CACNA2D1: variants seen among roughly 807,000 people sequenced by gnomAD.
CACNA2D1 encodes the protein calcium voltage-gated channel auxiliary subunit alpha2delta 1, also known as voltage-dependent calcium channel subunit alpha-2/delta-1.
In CACNA2D1, 53 loss-of-function variants were observed where a neutral mutation model predicts 171.5. That is an observed-to-expected ratio of 0.31 (90% CI 0.25 to 0.39). The LOEUF (loss-of-function observed/expected upper bound fraction) is 0.39. CACNA2D1 is among the 10% of genes least tolerant of loss of function. CACNA2D1 has a pLI of 1.00. For missense variants in CACNA2D1, 903 were observed against 1,299.8 expected, an observed-to-expected ratio of 0.69 and a Z score of 4.69; for synonymous variants, 442 against 443.1, an observed-to-expected ratio of 1.00 and a Z score of 0.03.
intron 1 of CACNA2D1, among the ~76,000 whole-genome samples, chr7:82,386,735 AAAATAAATAAATAAATAAAT>A (rs200338716): frequency 6.8e-5 from 10 of 146,222 alleles, no homozygotes; most frequent in African/African-American, 2.0e-4. Flanking sequence ...CTCTGTCTCA[AAAATAAATAAATAAATAAAT>A]AAATAAATAA....
At chr7:82,284,228 A>T (rs1028675441) in intron 3 of CACNA2D1, among the ~76,000 whole-genome samples, 4 of 151,870 alleles carry the variant, frequency 2.6e-5, no homozygotes, top group African/African-American at 9.7e-5. Context: ...AAAAAACTAT[A>T]AAGAAAAAGG....
rs761234382 is a variant in CACNA2D1 at position 82,335,215 on chromosome 7, G to A, written c.214C>T (p.Pro72Ser). ...TCTACCAGCTGGCGTGCATTATTTG[G>A]TTCCACAGTATACAAATCTTGATAT... ...EKYQDLYTVEPNNARQLVEIA... is the reference protein window; with the variant it reads ...EKYQDLYTVESNNARQLVEIA... The change falls in exon 3 of 39, where the codon CCA becomes TCA. Residue 72 changes from proline (P) to serine (S), a missense_variant. By Grantham distance (74) the Pro-to-Ser change is moderately conservative (BLOSUM62 -1). Coordinates refer to ENST00000356860, the MANE Select transcript of CACNA2D1 (RefSeq NM_000722.4). 3 of 1,611,236 alleles carry A rather than the reference G, an allele frequency of 1.9e-6. No individual in the cohort carries two copies. Among genetic ancestry groups the A allele is most frequent in the Non-Finnish European group, 2.5e-6 (3 of 1,177,794 alleles).
At chr7:82,425,231 C>T (rs893600396) in intron 1 of CACNA2D1, among the ~76,000 whole-genome samples, 9 of 152,118 alleles carry the variant, frequency 5.9e-5, no homozygotes, top group Non-Finnish European at 1.0e-4. Context: ...GAGTTTCCCT[C>T]TAGTCTACAA....
At chr7:82,260,732 T>C (rs1347575333) in intron 3 of CACNA2D1, among the ~76,000 whole-genome samples, 1 of 152,182 alleles carries the variant, frequency 6.6e-6, no homozygotes, top group Non-Finnish European at 1.5e-5. Context: ...ACAGATTTTG[T>C]CTTAAGGGCT....
intron 3 of CACNA2D1, among the ~76,000 whole-genome samples, chr7:82,248,182 G>A (rs1337995637): frequency 6.6e-6 from 1 of 152,152 alleles, no homozygotes; most frequent in Non-Finnish European, 1.5e-5. Flanking sequence ...TAATAATAAA[G>A]TACTTCATGC....
chr7:82,384,984 C>T (rs189431749), intron 1 of CACNA2D1, among the ~76,000 whole-genome samples: 1 of 152,188 alleles, frequency 6.6e-6, no homozygotes. Flanking sequence ...CACACTTTAG[C>T]CCCTACTGAA....
At chr7:82,010,339 C>T (rs1799631585) in intron 15 of CACNA2D1, among the ~76,000 whole-genome samples, 1 of 150,442 alleles carries the variant, frequency 6.6e-6, no homozygotes, top group Admixed American at 6.6e-5. Context: ...AAAAATAACG[C>T]TATATGTGTC....
At chr7:82,134,462 G>A (rs907486293) in intron 5 of CACNA2D1, among the ~76,000 whole-genome samples, 14 of 152,218 alleles carry the variant, frequency 9.2e-5, no homozygotes, top group African/African-American at 2.9e-4. Flanking sequence ...CAGTTTGCAC[G>A]AAACAACACT....
Position 81,947,621 on chromosome 7 carries a change from CATGAGT to C in CACNA2D1, c.*2765_*2770del, listed in dbSNP as rs1792141008. Reference sequence around the variant, plus strand: ...TTTAGTGACTAACTACACTAAGCCACATGAGTATAACAAAAATTAGTTAAAGCAGTG... The same window carrying C: ...TTTAGTGACTAACTACACTAAGCCACATAACAAAAATTAGTTAAAGCAGTG... On this transcript the variant is annotated 3_prime_UTR_variant, in exon 39 of 39. Transcript: ENST00000356860. 6.6e-6 allele frequency: 1 copy of C among 151,944 alleles called. No individual in the cohort carries two copies. Among genetic ancestry groups the C allele is most frequent in the Admixed American group, 6.6e-5 (1 of 15,246 alleles). The allele number at this position is 151,944 out of a possible 1,614,324, so 9.4% of individuals were successfully genotyped here. A position where few individuals can be genotyped will look rare whatever the true frequency, so the allele number is the denominator to read the frequency against.
chr7:82,101,436 A>G (rs563536662), intron 6 of CACNA2D1, among the ~76,000 whole-genome samples: 1 of 152,348 alleles, frequency 6.6e-6, no homozygotes, highest in Non-Finnish European at 1.5e-5. Flanking sequence ...GTAAAACGTT[A>G]CATGACAGAT....
Position 82,142,036 on chromosome 7 carries a change from T to C in CACNA2D1, c.355-5360A>G, listed in dbSNP as rs1304939609. On this transcript the variant is annotated intron_variant, in intron 4 of 38. Coordinates refer to ENST00000356860, the MANE Select transcript of CACNA2D1 (RefSeq NM_000722.4). ...TATTAAACAACATCATCTTGGAAGGTTTCACACTCAAATACACAGGTTTTC... is the reference window on the plus strand; with the variant it reads ...TATTAAACAACATCATCTTGGAAGGCTTCACACTCAAATACACAGGTTTTC... Among the ~76,000 whole-genome samples the C allele has an allele frequency of 2.0e-5, 3 of 152,162 alleles. No individual in the cohort carries two copies. The East Asian group carries it at 5.8e-4, about 29-fold the overall frequency.
rs114866700 is a variant in CACNA2D1, at chr7:82,408,343, T to C, written c.95+35022A>G. 6.8e-3 allele frequency among the ~76,000 whole-genome samples: 1,036 copies of C among 152,118 alleles called. 12 individuals are homozygous for C. Among genetic ancestry groups the C allele is most frequent in the African/African-American group, 0.024 (977 of 41,510 alleles). On this transcript the variant is annotated intron_variant, in intron 1 of 38. Coordinates refer to ENST00000356860, the MANE Select transcript of CACNA2D1 (RefSeq NM_000722.4). Reference sequence around the variant, plus strand: ...GGCCTTTCCTTTTACTTTCTTTTTATCTCCTCTCATATCCCTTTACACAAG... The same window carrying C: ...GGCCTTTCCTTTTACTTTCTTTTTACCTCCTCTCATATCCCTTTACACAAG...
intron 4 of CACNA2D1, among the ~76,000 whole-genome samples, chr7:82,146,413 T>C (rs1435707659): frequency 2.7e-5 from 4 of 146,224 alleles, no homozygotes; most frequent in South Asian, 4.2e-4. Context: ...TATATTTATA[T>C]ATATCTTTAC....
rs1156849097 is a variant in CACNA2D1, at chr7:82,014,441, A to G, written c.1182T>C (p.Tyr394=). ...CCATCCACTGAATAGGTCCTCTGTCATAATTGTGTTGACCAACTGAAAACG... is the reference window on the plus strand; with the variant it reads ...CCATCCACTGAATAGGTCCTCTGTCGTAATTGTGTTGACCAACTGAAAACG... ...VFTFSVGQHN[Y]DRGPIQWMAC... The change falls in exon 13 of 39, where the codon TAT becomes TAC. Residue 394 remains tyrosine, a synonymous_variant. Transcript: ENST00000356860. The G allele has an allele frequency of 6.2e-7, 1 of 1,601,110 alleles. No individual in the cohort carries two copies. The highest frequency in any genetic ancestry group is 8.6e-7 in the Non-Finnish European group (1 of 1,168,292).
Position 82,395,150 on chromosome 7 carries a change from T to G in CACNA2D1, c.96-45501A>C, listed in dbSNP as rs141627872. 6.3e-3 allele frequency among the ~76,000 whole-genome samples: 959 copies of G among 152,224 alleles called. 9 individuals are homozygous for G. Among genetic ancestry groups the G allele is most frequent in the Non-Finnish European group, 0.011 (718 of 68,010 alleles). On this transcript the variant is annotated intron_variant, in intron 1 of 38. Transcript: ENST00000356860. ...TTTTCAAAAAAATGTATCAAATGCC[T>G]GTTATATGTTGAGTACTATTCTAGA...
At chr7:82,132,988 A>G (rs1337083786) in intron 5 of CACNA2D1, among the ~76,000 whole-genome samples, 1 of 152,198 alleles carries the variant, frequency 6.6e-6, no homozygotes, top group East Asian at 1.9e-4. Context: ...GAATGATGTC[A>G]CAAGGATCAA....
chr7:82,327,824 T>G (rs1293156253), intron 3 of CACNA2D1, among the ~76,000 whole-genome samples: 2 of 152,216 alleles, frequency 1.3e-5, no homozygotes, highest in African/African-American at 4.8e-5. Context: ...AACACTGACT[T>G]GTTCCCTTAT....
chr7:82,182,389 C>CA (rs1474281410), intron 3 of CACNA2D1, among the ~76,000 whole-genome samples: 3 of 152,050 alleles, frequency 2.0e-5, no homozygotes, highest in Non-Finnish European at 4.4e-5. Flanking sequence ...TCTGTCTTTA[C>CA]AAAAGTCTAC....
chr7:82,383,509 T>C (rs1490723526), intron 1 of CACNA2D1, among the ~76,000 whole-genome samples: 2 of 152,186 alleles, frequency 1.3e-5, no homozygotes, highest in African/African-American at 4.8e-5. Flanking sequence ...TTATTTAAAA[T>C]AGGTGATAGA....
Sources: gnomAD v4.1 joint callset for allele counts (sites outside exome capture counted in the v4.1 genomes callset) on GRCh38, gnomAD v4.1.1 for gene constraint, MANE v1.5 for transcripts, NCBI Gene and HGNC (gene_info 2026-07-23, HGNC 2026-07-21) for gene names.